DDX4: variants seen among roughly 807,000 people sequenced by gnomAD.
The protein encoded by DDX4 is DEAD-box helicase 4, also known as probable ATP-dependent RNA helicase DDX4.
In DDX4, 25 loss-of-function variants were observed where a neutral mutation model predicts 100.0. That is an observed-to-expected ratio of 0.25 (90% confidence interval 0.18 to 0.35). The LOEUF (loss-of-function observed/expected upper bound fraction) is 0.35. Among genes scored for constraint, DDX4 ranks in the 10% least tolerant of loss-of-function variants. The pLI, the probability that DDX4 is intolerant of heterozygous loss-of-function variation, is 1.00. For missense variants in DDX4, 635 were observed against 882.4 expected (o/e 0.72, Z 3.55); for synonymous variants, 259 against 275.7 (o/e 0.94, Z 0.60).
At chr5:55,775,458 C>A (rs1741503660) in intron 7 of DDX4, among the ~76,000 whole-genome samples, 2 of 152,116 alleles carry the variant, frequency 1.3e-5, no homozygotes, top group East Asian at 1.9e-4. Context: ...TGCTTCAAGC[C>A]TTTTATTGAT....
rs139871564 is a variant in DDX4, at chr5:55,796,160, G to A, written c.1470-2266G>A. Among the ~76,000 whole-genome samples the A allele has an allele frequency of 5.9e-5, 9 of 152,274 alleles. No homozygotes were observed. In the East Asian group the frequency reaches 1.5e-3, roughly 26 times the overall value. On this transcript the variant is annotated intron_variant, in intron 17 of 21. Transcript: ENST00000505374. Reference sequence around the variant, plus strand: ...CTTCTGCCTGCGTTCTTGTAGCTGCGCTGGTAGCCAACTGGATGGTGTCCA... The same window carrying A: ...CTTCTGCCTGCGTTCTTGTAGCTGCACTGGTAGCCAACTGGATGGTGTCCA...
At chr5:55,794,505 T>G (rs1349750176) in intron 17 of DDX4, among the ~76,000 whole-genome samples, 1 of 151,978 alleles carries the variant, frequency 6.6e-6, no homozygotes, top group Non-Finnish European at 1.5e-5. Flanking sequence ...CAGCCCTATA[T>G]AGTATTTTCA....
chr5:55,740,410 A>G (rs1758910491), intron 2 of DDX4, among the ~76,000 whole-genome samples: 1 of 150,116 alleles, frequency 6.7e-6, no homozygotes, highest in Non-Finnish European at 1.5e-5. Flanking sequence ...CAGGTGATTC[A>G]CTCACCTGGG....
intron 7 of DDX4, among the ~76,000 whole-genome samples, chr5:55,777,247 G>A (rs1741621420): frequency 6.6e-6 from 1 of 152,120 alleles, no homozygotes; most frequent in African/African-American, 2.4e-5. Context: ...CACAAAGATT[G>A]TAGAAATAAA....
chr5:55,793,367 A>G (rs567665784), intron 17 of DDX4, among the ~76,000 whole-genome samples: 7 of 118,580 alleles, frequency 5.9e-5, no homozygotes, highest in Non-Finnish European at 1.1e-4. Context: ...GCTTATACAG[A>G]TGGGTCCTAT....
chr5:55,764,241 C>T (rs112023621), intron 6 of DDX4, among the ~76,000 whole-genome samples, 177 bp downstream of exon 6: 13 of 152,238 alleles, frequency 8.5e-5, no homozygotes, highest in African/African-American at 3.1e-4. Context: ...ATAAAGAATT[C>T]AGGCATCCTA....
chr5:55,755,238 C>G (rs1241825444), intron 3 of DDX4, among the ~76,000 whole-genome samples: 4 of 151,848 alleles, frequency 2.6e-5, no homozygotes, highest in African/African-American at 7.3e-5. Flanking sequence ...CTAGGCTTTT[C>G]CTCACTTCAA....
intron 6 of DDX4, chr5:55,766,865 ATAG>A: frequency 1.3e-6 from 2 of 1,501,204 alleles, no homozygotes; most frequent in Non-Finnish European, 1.8e-6. Flanking sequence ...GCCTGATGTC[ATAG>A]TAATAACATA....
intron 10 of DDX4, chr5:55,782,343 G>A (rs1728103836): frequency 1.0e-5 from 2 of 193,252 alleles, no homozygotes; most frequent in South Asian, 9.7e-5. Context: ...GGTGGCTCAT[G>A]CCTGTAATTC....
At chr5:55,807,205 C>T (rs1020905550) in intron 18 of DDX4, among the ~76,000 whole-genome samples, 1 of 152,130 alleles carries the variant, frequency 6.6e-6, no homozygotes, top group Non-Finnish European at 1.5e-5. Flanking sequence ...TTATTTTGAG[C>T]CTATGTGTGG....
Position 55,787,831 on chromosome 5 carries a change from CA to C in DDX4, c.1018-13del. ...TTGTGCTATAAGTTTGTAAACTAAG[CA>C]ACTTAACTTCTAGGCGGCTTTTCTC... On this transcript the variant is annotated splice_polypyrimidine_tract_variant and intron_variant, in intron 14 of 21. Coordinates refer to ENST00000505374, the MANE Select transcript of DDX4 (RefSeq NM_024415.3). The C allele has an allele frequency of 6.2e-7, 1 of 1,609,532 alleles. No individual in the cohort carries two copies. The highest frequency in any genetic ancestry group is 8.5e-7 in the Non-Finnish European group (1 of 1,178,376).
At chr5:55,795,285 C>A (rs1261350342) in intron 17 of DDX4, among the ~76,000 whole-genome samples, 1 of 152,128 alleles carries the variant, frequency 6.6e-6, no homozygotes, top group East Asian at 1.9e-4. Context: ...AATTTAACTT[C>A]TTGGGGTGTT....
intron 21 of DDX4, 114 bp downstream of exon 21, chr5:55,815,537 TG>T (rs1340020300): frequency 1.8e-5 from 24 of 1,339,658 alleles, no homozygotes; most frequent in Non-Finnish European, 2.2e-5. Flanking sequence ...TTTTCGTGCC[TG>T]GAAGGTAGCT....
Position 55,816,659 on chromosome 5 carries a change from ACTC to A in DDX4, c.*122_*124del. ...TCATAGCTCCTGTCCTTGTATTCTC[ACTC>A]CTACACTTAAAAAAAAAATCCTTAC... On this transcript the variant is annotated 3_prime_UTR_variant, in exon 22 of 22. Coordinates refer to ENST00000505374, the MANE Select transcript of DDX4 (RefSeq NM_024415.3). The A allele has an allele frequency of 6.9e-7, 1 of 1,441,592 alleles. No homozygotes were observed. The allele number at this position is 1,441,592 out of a possible 1,614,324, so 89.3% of individuals were successfully genotyped here.
At chr5:55,795,533 G>A (rs1250604806) in intron 17 of DDX4, among the ~76,000 whole-genome samples, 1 of 152,206 alleles carries the variant, frequency 6.6e-6, no homozygotes, top group Non-Finnish European at 1.5e-5. Context: ...ACTTTGGGAG[G>A]CTAAAGAGGG....
rs138008392 is a variant in DDX4 at position 55,760,200 on chromosome 5, A to G, written c.128A>G (p.Glu43Gly). 2 of 1,571,228 alleles carry G rather than the reference A, an allele frequency of 1.3e-6. No individual in the cohort carries two copies. Among genetic ancestry groups the G allele is most frequent in the African/African-American group, 1.4e-5 (1 of 71,584 alleles). Residue 43 changes from glutamate (E) to glycine (G), a missense_variant and splice_region_variant, in exon 4 of 22, where the codon GAA becomes GGA. By Grantham distance (98) the Glu-to-Gly change is moderately conservative. Coordinates refer to ENST00000505374, the MANE Select transcript of DDX4 (RefSeq NM_024415.3). The part of the protein sequence containing the change: ...NFNRTPASSS[E>G]MDDGPSRRDH... The stretch of plus-strand genomic sequence containing the variant: ...TACTTCAAAATGTTGTTTGCTTTAG[A>G]AATGGATGATGGACCTTCTCGAAGA...
At chr5:55,760,050 A>ATTTT in intron 3 of DDX4, 150 bp from the exon 4 acceptor site, 3 of 479,898 alleles carry the variant, frequency 6.3e-6, no homozygotes, top group Non-Finnish European at 1.0e-5. Context: ...TCATGTAGCC[A>ATTTT]TTTTTTTTTT....
At chr5:55,804,372 G>C (rs1391780943) in intron 18 of DDX4, among the ~76,000 whole-genome samples, 1 of 151,744 alleles carries the variant, frequency 6.6e-6, no homozygotes, top group African/African-American at 2.4e-5. Flanking sequence ...ATTGCTTTTG[G>C]TGTTTTAGAC....
In DDX4 at chr5:55,786,670, T is replaced by C; in HGVS notation, c.1017T>C (p.Thr339=). The C allele has an allele frequency of 1.9e-6, 3 of 1,611,612 alleles. No individual in the cohort carries two copies. Among genetic ancestry groups the C allele is most frequent in the Non-Finnish European group, 2.5e-6 (3 of 1,178,270 alleles). ...MACAQTGSGK[T]AAFLLPILAH... is the part of the protein sequence containing the mutation. ...GCGCTCAAACAGGGTCTGGGAAGAC[T>C]GTAAGTCTTTCCCCACATGTCCAAA... Residue 339 remains threonine (T), a splice_region_variant and synonymous_variant, in exon 14 of 22, where the codon ACT becomes ACC. Coordinates refer to ENST00000505374, the MANE Select transcript of DDX4 (RefSeq NM_024415.3).
Sources: gnomAD v4.1 joint callset for allele counts (sites outside exome capture counted in the v4.1 genomes callset) on GRCh38, gnomAD v4.1.1 for gene constraint, MANE v1.5 for transcripts, NCBI Gene and HGNC (gene_info 2026-07-23, HGNC 2026-07-21) for gene names.